ACOT11: variants seen among roughly 807,000 people sequenced by gnomAD.
The protein encoded by ACOT11 is acyl-CoA thioesterase 11, also known as acyl-coenzyme A thioesterase 11.
ACOT11 carries 69 observed loss-of-function variants against 77.5 expected under a neutral mutation model. The observed-to-expected ratio is 0.89, with a 90% CI of 0.73 to 1.09. The LOEUF (loss-of-function observed/expected upper bound fraction) is 1.09. ACOT11 is among the 50% of genes least tolerant of loss of function. The pLI, the probability that ACOT11 is intolerant of heterozygous loss-of-function variation, is 0.00. For missense variants in ACOT11, 766 were observed against 813.7 expected, an observed-to-expected ratio of 0.94 and a Z score of 0.71; for synonymous variants, 279 against 313.0, an observed-to-expected ratio of 0.89 and a Z score of 1.15.
rs746447202 is a variant in ACOT11, at chr1:54,584,774, G to A, written c.153G>A (p.Gln51=). 1 of 1,613,992 alleles carries A rather than the reference G, an allele frequency of 6.2e-7. No individual in the cohort carries two copies. The highest frequency in any genetic ancestry group is 8.5e-7 in the Non-Finnish European group (1 of 1,180,032). Residue 51 remains glutamine, a synonymous_variant, in exon 2 of 16, where the codon CAG becomes CAA. Transcript: ENST00000343744. This position sits in a 1 kb window ranked among gnomAD's most constrained non-coding sequence, Gnocchi z 6.3. ...ACCCCACGGAGGTGCAGATGAGCCA[G>A]CTGGTGCTGCCCTGCCACACCAACC... ...YRNPTEVQMS[Q]LVLPCHTNQR...
intron 15 of ACOT11, among the ~76,000 whole-genome samples, chr1:54,621,140 G>A (rs1470250219): frequency 1.0e-4 from 15 of 149,682 alleles, no homozygotes; most frequent in African/African-American, 3.4e-4. Flanking sequence ...CATCCTGGGT[G>A]ACACAGTGAG....
chr1:54,595,890 G>C (rs915125741), intron 6 of ACOT11, among the ~76,000 whole-genome samples: 1 of 152,188 alleles, frequency 6.6e-6, no homozygotes, highest in Non-Finnish European at 1.5e-5. Flanking sequence ...CCGGAGTGGG[G>C]AGAGAGCAGG....
chr1:54,574,206 A>G (rs568100921), intron 1 of ACOT11, among the ~76,000 whole-genome samples: 2 of 152,340 alleles, frequency 1.3e-5, no homozygotes, highest in Non-Finnish European at 1.5e-5. Flanking sequence ...AGTTTTGGGC[A>G]TAAGGCAGGG....
chr1:54,597,580 T>A (rs772398756), intron 7 of ACOT11, 165 bp downstream of exon 7: 66 of 882,890 alleles, frequency 7.5e-5, no homozygotes, highest in Non-Finnish European at 1.1e-4. Context: ...GACCATTCCT[T>A]GTTCTACTAA....
intron 15 of ACOT11, among the ~76,000 whole-genome samples, chr1:54,617,735 T>TTTTTTG (rs1644188411): frequency 8.8e-6 from 1 of 114,074 alleles, no homozygotes; most frequent in Non-Finnish European, 2.0e-5. Flanking sequence ...TTTTTTTTTT[T>TTTTTTG]TTTTTTTTTA....
chr1:54,551,302 G>A (rs188572555), intron 1 of ACOT11, among the ~76,000 whole-genome samples: 2 of 152,280 alleles, frequency 1.3e-5, no homozygotes, highest in East Asian at 3.9e-4. Context: ...ACTGTAGACA[G>A]AGTCAGCATT....
chr1:54,620,200 A>G (rs992893898), intron 15 of ACOT11, among the ~76,000 whole-genome samples: 3 of 152,202 alleles, frequency 2.0e-5, no homozygotes, highest in Admixed American at 6.5e-5. Context: ...AGGAAGCCTC[A>G]TTACCAGCCT....
At position 54,582,441 on chromosome 1, in the gene ACOT11, G is replaced by A. The variant is rs530259807; in HGVS notation, c.34-2214G>A. The A allele has an allele frequency of 4.6e-5, 45 of 985,354 alleles. 1 individual carries two copies. The South Asian group carries it at 8.9e-4, about 20-fold the overall frequency. 61.0% of individuals were successfully genotyped at this position (985,354 alleles called of 1,614,324 possible). On this transcript the variant is annotated intron_variant, in intron 1 of 15. Coordinates refer to ENST00000343744, the MANE Select transcript of ACOT11 (RefSeq NM_147161.4). The stretch of plus-strand genomic sequence containing the variant: ...ATTCTCTATCTTTGCCCAGGGCCCC[G>A]TACAGAGGAAGTGTTTGGTGAATGA...
chr1:54,602,844 T>C, intron 10 of ACOT11, 120 bp downstream of exon 10: 1 of 1,096,470 alleles, frequency 9.1e-7, no homozygotes, highest in Non-Finnish European at 1.2e-6. Context: ...CCGGGCCCTT[T>C]ACATCCTCTC....
chr1:54,605,079 C>A lies in ACOT11; in HGVS notation c.1240C>A (p.Arg414Ser), dbSNP rs201069943. ...GGCTGCCCTCTATCCCATGCAGGTC[C>A]GCCTGTACACTCTGGAGGATGACAA... ...WVLSSEISQV[R>S]LYTLEDDKFL... Residue 414 changes from arginine to serine, a missense_variant, in exon 13 of 16, where the codon CGC (arginine) becomes AGC (serine). Coordinates refer to ENST00000343744, the MANE Select transcript of ACOT11 (RefSeq NM_147161.4). The A allele has an allele frequency of 1.9e-6, 3 of 1,612,908 alleles. No individual in the cohort carries two copies. Among genetic ancestry groups the A allele is most frequent in the Non-Finnish European group, 2.5e-6 (3 of 1,179,790 alleles).
chr1:54,600,203 A>T (rs1643945510), intron 8 of ACOT11, among the ~76,000 whole-genome samples: 1 of 152,152 alleles, frequency 6.6e-6, no homozygotes, highest in Non-Finnish European at 1.5e-5. Context: ...GGTGCAGGGG[A>T]AAAGCCCTTT....
chr1:54,611,750 GGA>G, downstream of ACOT11: 1 of 1,613,990 alleles, frequency 6.2e-7, no homozygotes, highest in East Asian at 2.2e-5. Flanking sequence ...CTGTACCTGG[GGA>G]CACGAGAGCT....
chr1:54,622,550 CAGAG>C (rs967619977), intron 15 of ACOT11, among the ~76,000 whole-genome samples: 1 of 150,188 alleles, frequency 6.7e-6, no homozygotes, highest in African/African-American at 2.5e-5. Flanking sequence ...AGCCTGGCGA[CAGAG>C]AGAGACTCCG....
At chr1:54,580,255 C>T (rs535461450) in intron 1 of ACOT11, among the ~76,000 whole-genome samples, 3 of 152,294 alleles carry the variant, frequency 2.0e-5, no homozygotes, top group South Asian at 2.1e-4. Flanking sequence ...CTCCAGAGGT[C>T]ACCCAGGCGT....
At chr1:54,635,569 G>A (rs12135853) in exon 17 of ACOT11, 11,663 of 202,962 alleles carry the variant, frequency 0.057, 509 homozygotes, top group Middle Eastern at 0.15. Flanking sequence ...AAAGCATCCC[G>A]GGCAACCTGA....
In ACOT11 at chr1:54,584,854, G is replaced by C; in HGVS notation, c.233G>C (p.Cys78Ser). 6.2e-7 allele frequency: 1 copy of C among 1,612,786 alleles called. No individual in the cohort carries two copies. Among genetic ancestry groups the C allele is most frequent in the Middle Eastern group, 1.7e-4 (1 of 6,006 alleles). The change falls in exon 2 of 16, where the codon TGC (cysteine) becomes TCC (serine). Residue 78 changes from cysteine (C) to serine (S), a missense_variant. Coordinates refer to ENST00000343744, the MANE Select transcript of ACOT11 (RefSeq NM_147161.4). This position sits in a 1 kb window ranked among gnomAD's most constrained non-coding sequence, Gnocchi z 6.3. ...CTCAAGTGGATTGACACCACGGCTT[G>C]CCTGTCCGGTAAGGCTGCGCTCCCC... is the stretch of plus-strand genomic sequence containing the variant. ...QLLKWIDTTA[C>S]LSAERHAGCP...
rs779287804 is a variant in ACOT11, at chr1:54,597,370, G to A, written c.719G>A (p.Gly240Asp). The A allele has an allele frequency of 5.0e-6, 8 of 1,613,646 alleles. No homozygotes were observed. The Admixed American group carries it at 1.0e-4, about 20-fold the overall frequency. The change falls in exon 7 of 16, where the codon GGC becomes GAC. Residue 240 changes from glycine to aspartate, a missense_variant. Physicochemically the swap from Gly to Asp is moderately conservative, Grantham distance 94. Transcript: ENST00000343744. ...AATCACCAGGGCAACACCTTTGGGGGCCAGATCATGGCCTGGATGGAGAAT... is the reference window on the plus strand; with the variant it reads ...AATCACCAGGGCAACACCTTTGGGGACCAGATCATGGCCTGGATGGAGAAT... ...HANHQGNTFG[G>D]QIMAWMENVA...
rs567570864 is a variant in ACOT11, at chr1:54,556,648, C to G, written c.33+8306C>G. ...CCAGGCTGGAGTGCAGTGGCATGAT[C>G]TTGGCTCACTGCAACCTCTGCCTCC... On this transcript the variant is annotated intron_variant, in intron 1 of 15. Coordinates refer to ENST00000343744, the MANE Select transcript of ACOT11 (RefSeq NM_147161.4). Among the ~76,000 whole-genome samples, 3 of 151,788 alleles carry G rather than the reference C, an allele frequency of 2.0e-5. No individual in the cohort carries two copies. In the South Asian group the frequency reaches 6.2e-4, roughly 32 times the overall value.
At position 54,607,943 on chromosome 1, in the gene ACOT11, G is replaced by T; in HGVS notation, c.1504G>T (p.Asp502Tyr). 1 of 1,613,796 alleles carries T rather than the reference G, an allele frequency of 6.2e-7. No homozygotes were observed. Among genetic ancestry groups the T allele is most frequent in the Non-Finnish European group, 8.5e-7 (1 of 1,179,890 alleles). Reference sequence around the variant, plus strand: ...CCTTGCTACCCTTCCTTCACTCAGGGACCCCTATGTCATCGCGCTGAGGTC... The same window carrying T: ...CCTTGCTACCCTTCCTTCACTCAGGTACCCCTATGTCATCGCGCTGAGGTC... ...ASRRKPCDNG[D>Y]PYVIALRSVT... Residue 502 changes from aspartate (D) to tyrosine (Y), a missense_variant and splice_region_variant, in exon 15 of 16, where the codon GAC (aspartate) becomes TAC (tyrosine). Coordinates refer to ENST00000343744, the MANE Select transcript of ACOT11 (RefSeq NM_147161.4). The surrounding 1 kb of genome is among the most constrained non-coding windows in gnomAD (Gnocchi z 4.5).
Sources: allele counts gnomAD v4.1 joint callset (sites outside exome capture counted in the v4.1 genomes callset), GRCh38; gene constraint gnomAD v4.1.1; non-coding constraint Gnocchi (gnomAD v3.1); transcripts MANE v1.5; gene names NCBI Gene and HGNC (gene_info 2026-07-23, HGNC 2026-07-21).